GABRG3: variants seen among roughly 807,000 people sequenced by gnomAD.
GABRG3 encodes the protein gamma-aminobutyric acid type A receptor subunit gamma3.
Under a neutral mutation model 48.8 loss-of-function variants are expected in GABRG3, and 25 were observed. The observed-to-expected ratio is 0.51, with a 90% CI of 0.37 to 0.72. The LOEUF (loss-of-function observed/expected upper bound fraction) is 0.72. Among genes scored for constraint, GABRG3 ranks in the 30% least tolerant of loss-of-function variants. The probability of loss-of-function intolerance (pLI) is 0.00; values close to 1 mark genes in which losing one functional copy is unlikely to be tolerated. For missense variants in GABRG3, 394 were observed against 577.9 expected, an observed-to-expected ratio of 0.68 and a Z score of 3.26; for synonymous variants, 227 against 217.6, an observed-to-expected ratio of 1.04 and a Z score of -0.38.
At chr15:27,456,093 G>T (rs371528157) in intron 5 of GABRG3, among the ~76,000 whole-genome samples, 35 of 152,250 alleles carry the variant, frequency 2.3e-4, no homozygotes, top group African/African-American at 8.2e-4. Flanking sequence ...GTCCCGCACT[G>T]CTTCTGGTCC....
chr15:27,227,622 G>A (rs182041324), intron 3 of GABRG3, among the ~76,000 whole-genome samples: 1 of 152,162 alleles, frequency 6.6e-6, no homozygotes, highest in African/African-American at 2.4e-5. Context: ...AGAAGTTCAA[G>A]ACTCCAGTGA....
At chr15:27,469,443 C>T (rs968591976) in intron 5 of GABRG3, among the ~76,000 whole-genome samples, 24 of 152,092 alleles carry the variant, frequency 1.6e-4, no homozygotes, top group African/African-American at 5.3e-4. Context: ...TAGGTTCAAG[C>T]GATTCTCCGG....
chr15:27,080,529 A>G (rs1256278051), intron 3 of GABRG3, among the ~76,000 whole-genome samples: 1 of 152,188 alleles, frequency 6.6e-6, no homozygotes, highest in Non-Finnish European at 1.5e-5. Context: ...ATGTATTCCG[A>G]GCTATTCAGG....
intron 3 of GABRG3, among the ~76,000 whole-genome samples, chr15:27,215,739 A>G (rs919495445): frequency 7.9e-5 from 12 of 152,278 alleles, no homozygotes; most frequent in African/African-American, 2.2e-4. Flanking sequence ...GGGTCATGCC[A>G]TGACCAGTTT....
intron 5 of GABRG3, among the ~76,000 whole-genome samples, chr15:27,469,454 C>T (rs924532356): frequency 2.6e-5 from 4 of 152,154 alleles, no homozygotes; most frequent in Admixed American, 2.6e-4. Flanking sequence ...GATTCTCCGG[C>T]CTCAGCCTCC....
intron 5 of GABRG3, among the ~76,000 whole-genome samples, chr15:27,471,977 TAAA>T (rs912477015): frequency 5.9e-5 from 9 of 152,126 alleles, no homozygotes; most frequent in Non-Finnish European, 1.3e-4. Flanking sequence ...TTTGGAAACA[TAAA>T]AAAAGTTAAT....
chr15:27,531,880 A>T (rs1188302112), intron 9 of GABRG3, among the ~76,000 whole-genome samples: 8 of 152,144 alleles, frequency 5.3e-5, no homozygotes, highest in African/African-American at 1.9e-4. Flanking sequence ...CTGCAGGAGG[A>T]GGGCTTGGGA....
At chr15:27,410,848 G>A (rs574022183) in intron 5 of GABRG3, among the ~76,000 whole-genome samples, 356 of 5,572 alleles carry the variant, frequency 0.064, no homozygotes, top group African/African-American at 0.13. Flanking sequence ...GCACGCTCGT[G>A]TGTGTGTGTG....
chr15:27,021,336 G>A (rs116335457), intron 2 of GABRG3, among the ~76,000 whole-genome samples: 53 of 152,260 alleles, frequency 3.5e-4, no homozygotes, highest in African/African-American at 1.3e-3. Context: ...CACCTACAGT[G>A]CCAGATGCTG....
At chr15:27,524,405 A>T (rs1489774018) in intron 7 of GABRG3, among the ~76,000 whole-genome samples, 5 of 152,164 alleles carry the variant, frequency 3.3e-5, no homozygotes, top group African/African-American at 1.2e-4. Context: ...AATGATGAGA[A>T]GAAATTTTTA....
intron 3 of GABRG3, among the ~76,000 whole-genome samples, chr15:27,104,540 G>T (rs1420845143): frequency 6.6e-6 from 1 of 152,208 alleles, no homozygotes; most frequent in African/African-American, 2.4e-5. Flanking sequence ...CTGATATATG[G>T]TATGTCTAGT....
chr15:27,384,861 CATCAG>C (rs981742887), intron 5 of GABRG3, among the ~76,000 whole-genome samples: 64 of 152,232 alleles, frequency 4.2e-4, no homozygotes, highest in African/African-American at 1.5e-3. Context: ...TATCATACTA[CATCAG>C]ATCACTTCTC....
At chr15:27,378,231 A>G (rs768004374) in intron 5 of GABRG3, among the ~76,000 whole-genome samples, 208 of 152,328 alleles carry the variant, frequency 1.4e-3, no homozygotes, top group Non-Finnish European at 2.7e-3. Flanking sequence ...AATGTCAGGC[A>G]TATCTAGAAT....
intron 3 of GABRG3, among the ~76,000 whole-genome samples, chr15:27,262,613 T>G (rs1321993680): frequency 6.6e-6 from 1 of 152,226 alleles, no homozygotes; most frequent in East Asian, 1.9e-4. Context: ...TTACCTGGTG[T>G]AGATATTGTC....
intron 3 of GABRG3, chr15:27,295,259 G>A (rs1442876765): frequency 6.6e-6 from 1 of 152,074 alleles, no homozygotes. Context: ...TGTTAGAATG[G>A]TACTCCAGCT....
intron 6 of GABRG3, among the ~76,000 whole-genome samples, chr15:27,499,341 C>T (rs1005256881): frequency 2.0e-5 from 3 of 152,232 alleles, no homozygotes; most frequent in African/African-American, 7.2e-5. Flanking sequence ...GGCCTCCTGA[C>T]GCCCTCCTGT....
intron 7 of GABRG3, among the ~76,000 whole-genome samples, chr15:27,523,691 T>A (rs1485564327): frequency 6.6e-6 from 1 of 151,864 alleles, no homozygotes; most frequent in Non-Finnish European, 1.5e-5. Flanking sequence ...CTCAATGAAA[T>A]TTTTAGAACT....
chr15:27,355,691 T>G (rs1279133191), intron 5 of GABRG3, among the ~76,000 whole-genome samples: 1 of 152,238 alleles, frequency 6.6e-6, no homozygotes, highest in Non-Finnish European at 1.5e-5. Context: ...GCAGCATTAT[T>G]CATAATATAC....
chr15:27,014,586 T>C (rs1443295614), intron 2 of GABRG3, among the ~76,000 whole-genome samples: 1 of 152,196 alleles, frequency 6.6e-6, no homozygotes, highest in African/African-American at 2.4e-5. Context: ...TTTCCATATA[T>C]TTGTGAATTT....
Sources: allele counts gnomAD v4.1 joint callset (sites outside exome capture counted in the v4.1 genomes callset), GRCh38; gene constraint gnomAD v4.1.1; transcripts MANE v1.5; gene names NCBI Gene and HGNC (gene_info 2026-07-23, HGNC 2026-07-21).